Variants in SWT1 observed in about 807,000 individuals in gnomAD.
SWT1 encodes the protein transcriptional protein SWT1.
SWT1 carries 33 observed loss-of-function variants against 107.3 expected under a neutral mutation model. That is an observed-to-expected ratio of 0.31 (90% confidence interval 0.23 to 0.41). SWT1 has a LOEUF of 0.41. Among genes scored for constraint, SWT1 ranks in the 10% least tolerant of loss-of-function variants. The pLI is 1.00. For missense variants in SWT1, 898 were observed against 1,028.9 expected (o/e 0.87, Z 1.74); for synonymous variants, 345 against 348.3 (o/e 0.99, Z 0.11).
intron 16 of SWT1, among the ~76,000 whole-genome samples, chr1:185,255,481 A>G (rs560952498): frequency 1.1e-4 from 14 of 131,444 alleles, no homozygotes; most frequent in African/African-American, 4.6e-4. Context: ...GGGTGCATAT[A>G]TATTTAGGAT....
intron 18 of SWT1, among the ~76,000 whole-genome samples, chr1:185,284,188 T>C (rs1215012284): frequency 6.6e-6 from 1 of 152,246 alleles, no homozygotes; most frequent in Non-Finnish European, 1.5e-5. Context: ...TTTCAATTTG[T>C]ATTTCTCTAA....
At chr1:185,157,098 T>A, upstream of SWT1, 1 of 183,144 alleles carries the variant, frequency 5.5e-6, no homozygotes, top group Non-Finnish European at 1.2e-5. Flanking sequence ...CTGCGCAGTC[T>A]GGGGGCGGGG....
Position 185,168,333 on chromosome 1 carries a change from A to C in SWT1, c.166-7A>C. On this transcript the variant is annotated splice_region_variant and splice_polypyrimidine_tract_variant and intron_variant, in intron 3 of 18. Coordinates refer to ENST00000367500, the MANE Select transcript of SWT1 (RefSeq NM_017673.7). ...CAATTTATGTGTCCTTTTTTTATTT[A>C]TTTCAGAAATCAGATCATACAGATG... 1 of 847,454 alleles carries C rather than the reference A, an allele frequency of 1.2e-6. No homozygotes were observed. The highest frequency in any genetic ancestry group is 1.5e-6 in the Non-Finnish European group (1 of 657,932). The allele number at this position is 847,454 out of a possible 1,614,324, so 52.5% of individuals were successfully genotyped here. A position where few individuals can be genotyped will look rare whatever the true frequency, so the allele number is the denominator to read the frequency against.
chr1:185,249,368 A>T (rs944433608), intron 16 of SWT1, among the ~76,000 whole-genome samples: 1 of 152,082 alleles, frequency 6.6e-6, no homozygotes, highest in Non-Finnish European at 1.5e-5. Context: ...TAAGAAGAAC[A>T]TGTGGGATGA....
intron 10 of SWT1, 80 bp from the exon 11 acceptor site, chr1:185,202,574 A>G (rs1220525865): frequency 3.3e-6 from 4 of 1,222,080 alleles, no homozygotes; most frequent in Non-Finnish European, 4.7e-6. Flanking sequence ...CTCTGACTAG[A>G]TCTCATGTGT....
chr1:185,241,037 G>A lies in SWT1; in HGVS notation c.2441+9329G>A, dbSNP rs920196085. Among the ~76,000 whole-genome samples the A allele has an allele frequency of 4.6e-5, 7 of 152,106 alleles. No individual in the cohort carries two copies. The East Asian group carries it at 1.3e-3, about 29-fold the overall frequency. ...ATTAACTTCGCCTCTTTGACTTACT[G>A]TATATATTGATAGTTGACCTCTTAA... On this transcript the variant is annotated intron_variant, in intron 16 of 18. Transcript: ENST00000367500.
intron 4 of SWT1, among the ~76,000 whole-genome samples, chr1:185,174,049 GT>G (rs1231902962): frequency 6.6e-6 from 1 of 151,922 alleles, no homozygotes; most frequent in African/African-American, 2.4e-5. Context: ...CATACGTTCT[GT>G]TTTTCCTCAC....
In SWT1 at chr1:185,290,940, T is replaced by C; in HGVS notation, c.*137T>C. The C allele has an allele frequency of 1.7e-6, 1 of 583,152 alleles. No homozygotes were observed. The highest frequency in any genetic ancestry group is 3.4e-5 in the East Asian group (1 of 29,270). The allele number at this position is 583,152 out of a possible 1,614,324, so 36.1% of individuals were successfully genotyped here. On this transcript the variant is annotated 3_prime_UTR_variant, in exon 19 of 19. Transcript: ENST00000367500. ...ATAGGTATAAAAAGGTGATCGCCTATTACTGACAGTCTCATTGTAGCTCTA... is the reference window on the plus strand; with the variant it reads ...ATAGGTATAAAAAGGTGATCGCCTACTACTGACAGTCTCATTGTAGCTCTA...
rs549802647 is a variant in SWT1 at position 185,289,791 on chromosome 1, TA to T, written c.2574-877del. On this transcript the variant is annotated intron_variant, in intron 18 of 18. Coordinates refer to ENST00000367500, the MANE Select transcript of SWT1 (RefSeq NM_017673.7). ...CATGTTCTCACTGATATGTGGAATC[TA>T]AAAAAGTATGAGTAGAAAATAAAAT... 1.1e-4 allele frequency among the ~76,000 whole-genome samples: 17 copies of T among 152,152 alleles called. No homozygotes were observed. The East Asian group carries it at 3.1e-3, about 28-fold the overall frequency.
At chr1:185,217,067 C>CA (rs1280958236) in intron 14 of SWT1, among the ~76,000 whole-genome samples, 1 of 152,158 alleles carries the variant, frequency 6.6e-6, no homozygotes, top group East Asian at 1.9e-4. Flanking sequence ...AGGCGAGTAG[C>CA]AAAGAATCTA....
At chr1:185,269,390 T>G (rs1175410141) in intron 16 of SWT1, among the ~76,000 whole-genome samples, 8 of 148,336 alleles carry the variant, frequency 5.4e-5, no homozygotes, top group African/African-American at 2.0e-4. Flanking sequence ...TTTTTTTTTG[T>G]ATTTTAAAAT....
chr1:185,255,330 A>G (rs1318979749), intron 16 of SWT1, among the ~76,000 whole-genome samples: 2 of 146,914 alleles, frequency 1.4e-5, no homozygotes, highest in Admixed American at 6.7e-5. Flanking sequence ...ATTCCTGGGT[A>G]TCCTTGTTGA....
At chr1:185,212,685 C>T (rs1658913926) in intron 13 of SWT1, among the ~76,000 whole-genome samples, 1 of 151,908 alleles carries the variant, frequency 6.6e-6, no homozygotes, top group Non-Finnish European at 1.5e-5. Context: ...TGCCTATAAT[C>T]CCAGCTACTC....
intron 16 of SWT1, among the ~76,000 whole-genome samples, chr1:185,241,241 ACT>A (rs1317919630): frequency 1.3e-5 from 2 of 152,152 alleles, no homozygotes; most frequent in Non-Finnish European, 2.9e-5. Context: ...GACTTTTTAG[ACT>A]CTGAACTCAT....
chr1:185,252,134 G>C (rs1662086003), intron 16 of SWT1, among the ~76,000 whole-genome samples: 1 of 152,294 alleles, frequency 6.6e-6, no homozygotes, highest in South Asian at 2.1e-4. Flanking sequence ...TGGCTGCATA[G>C]TATTCCATGG....
At chr1:185,184,682 A>G in intron 8 of SWT1, 61 bp from the exon 9 acceptor site, 3 of 1,338,102 alleles carry the variant, frequency 2.2e-6, no homozygotes, top group Non-Finnish European at 3.1e-6. Flanking sequence ...CTTGGACAGC[A>G]ATTCCATTTA....
chr1:185,179,778 G>T (rs1655868740), intron 5 of SWT1, among the ~76,000 whole-genome samples: 1 of 152,292 alleles, frequency 6.6e-6, no homozygotes, highest in South Asian at 2.1e-4. Context: ...ATTCTACCAT[G>T]TTTCATGACT....
chr1:185,219,077 C>CT (rs1659437184), intron 14 of SWT1, among the ~76,000 whole-genome samples: 1 of 152,124 alleles, frequency 6.6e-6, no homozygotes, highest in African/African-American at 2.4e-5. Flanking sequence ...GATAAAATGT[C>CT]TTTTCATTTA....
intron 10 of SWT1, among the ~76,000 whole-genome samples, chr1:185,196,268 G>GT (rs1287546613): frequency 6.6e-6 from 1 of 152,102 alleles, no homozygotes; most frequent in Non-Finnish European, 1.5e-5. Flanking sequence ...CCCATTGCTT[G>GT]TTTTTGTCAG....
Sources: gnomAD v4.1 joint callset for allele counts (sites outside exome capture counted in the v4.1 genomes callset) on GRCh38, gnomAD v4.1.1 for gene constraint, MANE v1.5 for transcripts, NCBI Gene and HGNC (gene_info 2026-07-23, HGNC 2026-07-21) for gene names.